Variants in DOCK4 observed in about 807,000 individuals in gnomAD.
DOCK4 encodes the protein dedicator of cytokinesis protein 4.
Under a neutral mutation model 268.1 loss-of-function variants are expected in DOCK4, and 97 were observed. The observed-to-expected ratio is 0.36, with a 90% CI of 0.31 to 0.43. The LOEUF (loss-of-function observed/expected upper bound fraction) is 0.43, where lower values mean the gene tolerates loss of function less well. Among genes scored for constraint, DOCK4 ranks in the 20% least tolerant of loss-of-function variants. The pLI, the probability that DOCK4 is intolerant of heterozygous loss-of-function variation, is 1.00. For synonymous variants in DOCK4, 954 were observed against 887.2 expected (o/e 1.08, Z -1.34); for missense variants, 2,145 against 2,455.7 (o/e 0.87, Z 2.67).
At chr7:112,197,966 C>T (rs1240398031) in intron 1 of DOCK4, among the ~76,000 whole-genome samples, 1 of 108,286 alleles carries the variant, frequency 9.2e-6, no homozygotes, top group East Asian at 2.5e-4. Flanking sequence ...GCCTGACCTG[C>T]CTAGAAAAAA....
rs148745848 is a variant in DOCK4, at chr7:112,022,409, T to G, written c.38-18278A>C. On this transcript the variant is annotated intron_variant, in intron 1 of 52. Coordinates refer to ENST00000428084, the MANE Select transcript of DOCK4 (RefSeq NM_001363540.2). ...GTGGTACAGGAGAGGGTTCCGCCCCTGACCAGCTGATGGCTGTCCCAGCTG... is the reference window on the plus strand; with the variant it reads ...GTGGTACAGGAGAGGGTTCCGCCCCGGACCAGCTGATGGCTGTCCCAGCTG... 8.6e-4 allele frequency among the ~76,000 whole-genome samples: 131 copies of G among 152,354 alleles called. 3 individuals carry two copies. The East Asian group carries it at 0.025, about 29-fold the overall frequency.
chr7:111,940,236 A>G lies in DOCK4; in HGVS notation c.851T>C (p.Met284Thr). 1 of 1,613,966 alleles carries G rather than the reference A, an allele frequency of 6.2e-7. No homozygotes were observed. Among genetic ancestry groups the G allele is most frequent in the Non-Finnish European group, 8.5e-7 (1 of 1,179,882 alleles). The change falls in exon 11 of 53, where the codon ATG becomes ACG. Residue 284 changes from methionine to threonine, a missense_variant. Around this residue, in one of 2 missense-constraint regions of DOCK4, gnomAD observed 1,598 missense variants for 1,986.7 expected, o/e 0.80. Transcript: ENST00000428084. ...ITVHIIRIGR[M>T]GAGEKKNACS... ...GGCATTCTTTTTTTCTCCTGCTCCC[A>G]TTCGACCTGTTCAATTAAAGAGCAA...
chr7:111,885,585 A>T (rs1306641950), intron 16 of DOCK4, among the ~76,000 whole-genome samples: 21 of 152,202 alleles, frequency 1.4e-4, no homozygotes, highest in Non-Finnish European at 1.5e-5. Flanking sequence ...TCCAGGGGAA[A>T]CAAGGCAATG....
intron 1 of DOCK4, among the ~76,000 whole-genome samples, chr7:112,076,795 TA>T (rs1429244439): frequency 2.0e-5 from 3 of 152,308 alleles, no homozygotes; most frequent in African/African-American, 7.2e-5. Context: ...ATTTGCAGAC[TA>T]TAATGTAGGT....
chr7:112,136,460 C>CA (rs1028645057), intron 1 of DOCK4, among the ~76,000 whole-genome samples: 3 of 152,128 alleles, frequency 2.0e-5, no homozygotes, highest in African/African-American at 7.2e-5. Context: ...AAATCTGCTA[C>CA]AAAATGCCAT....
chr7:111,900,769 G>A (rs906992009), intron 14 of DOCK4, among the ~76,000 whole-genome samples: 16 of 152,210 alleles, frequency 1.1e-4, no homozygotes, highest in East Asian at 1.9e-4. Context: ...CGGGTGACAC[G>A]TGGGAGATGG....
intron 1 of DOCK4, among the ~76,000 whole-genome samples, chr7:112,006,296 G>A (rs1800856844): frequency 6.6e-6 from 1 of 152,136 alleles, no homozygotes; most frequent in Admixed American, 6.5e-5. Flanking sequence ...ATGAGGGTAT[G>A]GTTTAAGGGT....
chr7:111,761,635 T>G (rs1180061581), intron 39 of DOCK4, among the ~76,000 whole-genome samples: 2 of 152,046 alleles, frequency 1.3e-5, no homozygotes, highest in African/African-American at 4.8e-5. Flanking sequence ...AAAGAGGGAC[T>G]CCAGGCCACA....
chr7:111,727,745 C>G lies in DOCK4; in HGVS notation c.*529G>C, dbSNP rs1010136297. ...TTTCAAGAACAAAACAATTTCCAGT[C>G]CCAAGCTTTGCAACCCCTTAAGTAT... On this transcript the variant is annotated 3_prime_UTR_variant, in exon 53 of 53. Coordinates refer to ENST00000428084, the MANE Select transcript of DOCK4 (RefSeq NM_001363540.2). 4.6e-5 allele frequency: 7 copies of G among 152,264 alleles called. No individual in the cohort carries two copies. The highest frequency in any genetic ancestry group is 1.7e-4 in the African/African-American group (7 of 41,424). The allele number at this position is 152,264 out of a possible 1,614,324, so 9.4% of individuals were successfully genotyped here. A position where few individuals can be genotyped will look rare whatever the true frequency, so the allele number is the denominator to read the frequency against.
chr7:111,783,820 T>C (rs751138010), intron 34 of DOCK4, 37 bp downstream of exon 34: 1 of 1,529,748 alleles, frequency 6.5e-7, no homozygotes, highest in South Asian at 1.2e-5. Flanking sequence ...GAGTTCAGCA[T>C]GAACTGGAGT....
chr7:111,802,482 G>A (rs1213959969), intron 30 of DOCK4, among the ~76,000 whole-genome samples: 1 of 152,132 alleles, frequency 6.6e-6, no homozygotes, highest in Non-Finnish European at 1.5e-5. Flanking sequence ...GTGAAAAAAG[G>A]GGGATGGAAG....
chr7:112,136,507 G>A (rs1814364927), intron 1 of DOCK4, among the ~76,000 whole-genome samples: 1 of 152,208 alleles, frequency 6.6e-6, no homozygotes, highest in South Asian at 2.1e-4. Flanking sequence ...TAACACCTAT[G>A]TGTCAAGCCC....
chr7:111,832,707 T>C (rs565804948), intron 26 of DOCK4, among the ~76,000 whole-genome samples: 149 of 152,262 alleles, frequency 9.8e-4, no homozygotes, highest in Non-Finnish European at 1.5e-3. Context: ...TTTGTATTTT[T>C]AGTAGAGATG....
chr7:112,075,554 T>G (rs893317707), intron 1 of DOCK4, among the ~76,000 whole-genome samples: 9 of 152,228 alleles, frequency 5.9e-5, no homozygotes, highest in Admixed American at 1.3e-4. Context: ...GAATACTGTA[T>G]AGCTAAATAC....
chr7:111,901,804 A>T lies in DOCK4; in HGVS notation c.1193-3T>A. The T allele has an allele frequency of 6.4e-7, 1 of 1,552,884 alleles. No homozygotes were observed. The highest frequency in any genetic ancestry group is 8.8e-7 in the Non-Finnish European group (1 of 1,133,960). On this transcript the variant is annotated splice_polypyrimidine_tract_variant and splice_region_variant and intron_variant, in intron 13 of 52. Transcript: ENST00000428084. ...ATATAAATCATTCCTCATTTCACCT[A>T]TAAGGAAAGGAAAATTAAAACCATG...
intron 25 of DOCK4, among the ~76,000 whole-genome samples, chr7:111,841,234 G>A (rs548616096): frequency 3.3e-5 from 5 of 151,402 alleles, no homozygotes; most frequent in African/African-American, 4.9e-5. Flanking sequence ...GTATGATCTC[G>A]GCTCACTGCA....
chr7:112,028,893 T>C (rs1803033349), intron 1 of DOCK4, among the ~76,000 whole-genome samples: 2 of 152,262 alleles, frequency 1.3e-5, no homozygotes, highest in African/African-American at 4.8e-5. Flanking sequence ...TGGTCCTGAT[T>C]ATTTTTTAGA....
chr7:111,970,343 C>T (rs150535888), intron 8 of DOCK4, among the ~76,000 whole-genome samples: 2,086 of 152,118 alleles, frequency 0.014, 46 homozygotes, highest in African/African-American at 0.048. Context: ...AAAAACTCTC[C>T]GTGCCTCAGT....
intron 8 of DOCK4, among the ~76,000 whole-genome samples, chr7:111,949,808 T>C (rs575029656): frequency 4.6e-5 from 7 of 152,356 alleles, no homozygotes; most frequent in African/African-American, 1.7e-4. Flanking sequence ...TATATTAACG[T>C]ATTTTGGAAT....
Sources: gnomAD v4.1 joint callset for allele counts (sites outside exome capture counted in the v4.1 genomes callset) on GRCh38, gnomAD v4.1.1 for gene constraint, gnomAD v4.1.1 regional missense constraint, MANE v1.5 for transcripts, NCBI Gene and HGNC (gene_info 2026-07-23, HGNC 2026-07-21) for gene names.